Variants in LZTFL1 observed in about 807,000 individuals in gnomAD.
LZTFL1 encodes leucine zipper transcription factor-like protein 1.
In LZTFL1, 25 loss-of-function variants were observed where a neutral mutation model predicts 45.9. The ratio of observed to expected loss-of-function variants is 0.54; its 90% CI spans 0.40 to 0.76. The LOEUF (loss-of-function observed/expected upper bound fraction) is 0.76. Among genes scored for constraint, LZTFL1 ranks in the 30% least tolerant of loss-of-function variants. The pLI is 0.00. For missense variants in LZTFL1, 277 were observed against 331.1 expected (o/e 0.84, Z 1.27); for synonymous variants, 93 against 117.4 (o/e 0.79, Z 1.35).
At chr3:45,913,090 T>G in intron 2 of LZTFL1, 1 of 1,533,958 alleles carries the variant, frequency 6.5e-7, no homozygotes, top group Non-Finnish European at 8.7e-7. Context: ...GCAGTAGCAG[T>G]AATATGTTCT....
rs776162706 is a variant in LZTFL1 at position 45,901,076 on chromosome 3, C to T, written c.-215+12044G>A. 1.9e-6 allele frequency: 3 copies of T among 1,614,202 alleles called. No homozygotes were observed. Among genetic ancestry groups the T allele is most frequent in the Non-Finnish European group, 2.5e-6 (3 of 1,180,034 alleles). On this transcript the variant is annotated intron_variant, in intron 2 of 4. Coordinates refer to the LZTFL1 transcript ENST00000472635. This position sits in a 1 kb window ranked among gnomAD's most constrained non-coding sequence, Gnocchi z 4.3. Reference sequence around the variant, plus strand: ...TGAATTTGGCAATTGCTGACCTCCTCTTTCTTGTCACTCTTCCCTTCTGGG... The same window carrying T: ...TGAATTTGGCAATTGCTGACCTCCTTTTTCTTGTCACTCTTCCCTTCTGGG...
Position 45,826,066 on chromosome 3 carries a change from T to A in LZTFL1, c.*248A>T. The A allele has an allele frequency of 2.4e-6, 1 of 411,280 alleles. No homozygotes were observed. Among genetic ancestry groups the A allele is most frequent in the South Asian group, 7.9e-5 (1 of 12,698 alleles). The allele number at this position is 411,280 out of a possible 1,614,324, so 25.5% of individuals were successfully genotyped here. A position where few individuals can be genotyped will look rare whatever the true frequency, so the allele number is the denominator to read the frequency against. On this transcript the variant is annotated 3_prime_UTR_variant, in exon 10 of 10. Transcript: ENST00000296135. ...AAAATCTCTTCTTTGCTGTAAAGAATTCTCAGTGCATGTGAGCTAAGACTC... is the reference window on the plus strand; with the variant it reads ...AAAATCTCTTCTTTGCTGTAAAGAAATCTCAGTGCATGTGAGCTAAGACTC...
At chr3:45,881,652 T>A (rs189094572) in intron 2 of LZTFL1, among the ~76,000 whole-genome samples, 133 of 152,310 alleles carry the variant, frequency 8.7e-4, no homozygotes, top group African/African-American at 2.9e-3. Context: ...ACACGAAGAA[T>A]GTGTAAAAAT....
intron 2 of LZTFL1, among the ~76,000 whole-genome samples, chr3:45,859,663 G>A (rs922936696): frequency 7.1e-6 from 1 of 140,284 alleles, no homozygotes; most frequent in African/African-American, 2.7e-5. Flanking sequence ...TTTTGGCAGA[G>A]TCTCACTCTG....
At chr3:45,845,906 T>G (rs1701210574), upstream of LZTFL1, among the ~76,000 whole-genome samples, 1 of 152,210 alleles carries the variant, frequency 6.6e-6, no homozygotes. Context: ...AAAAATAAAG[T>G]GAACTCAAAC....
At chr3:45,852,832 T>C (rs1360048061) in intron 4 of LZTFL1, among the ~76,000 whole-genome samples, 1 of 152,218 alleles carries the variant, frequency 6.6e-6, no homozygotes, top group African/African-American at 2.4e-5. Flanking sequence ...TTGTTTTATG[T>C]GCTCACCCCA....
chr3:45,828,346 T>C (rs1700722103), intron 8 of LZTFL1, 93 bp downstream of exon 8: 2 of 1,080,486 alleles, frequency 1.9e-6, no homozygotes, highest in South Asian at 1.9e-5. Flanking sequence ...AATTTGCAGT[T>C]GTCCAACGTT....
At chr3:45,894,000 T>C (rs563529868) in intron 2 of LZTFL1, among the ~76,000 whole-genome samples, 1 of 152,128 alleles carries the variant, frequency 6.6e-6, no homozygotes, top group African/African-American at 2.4e-5. Context: ...AAAGAGGCTA[T>C]TTTTTTCGAG....
chr3:45,889,232 A>C (rs1302193329), intron 2 of LZTFL1, among the ~76,000 whole-genome samples: 1 of 151,864 alleles, frequency 6.6e-6, no homozygotes, highest in Admixed American at 6.6e-5. Context: ...TGATGCTCCC[A>C]CCTCAGCCTC....
chr3:45,883,560 T>C (rs1208872047), intron 2 of LZTFL1: 1 of 270,820 alleles, frequency 3.7e-6, no homozygotes, highest in Admixed American at 5.3e-5. Context: ...TTCTTCCTTA[T>C]TGTGAGTTGA....
At position 45,899,955 on chromosome 3, in the gene LZTFL1, G is replaced by A. The variant is rs1416405864; in HGVS notation, c.-215+13165C>T. On this transcript the variant is annotated intron_variant, in intron 2 of 4. Coordinates refer to the LZTFL1 transcript ENST00000472635. The stretch of plus-strand genomic sequence containing the variant: ...TGCGCATATATGTGTGTATATATGT[G>A]TGCATGCATGAGTGTGTACCTATGT... 2.0e-5 allele frequency among the ~76,000 whole-genome samples: 3 copies of A among 152,190 alleles called. No individual in the cohort carries two copies. In the East Asian group the frequency reaches 5.8e-4, roughly 29 times the overall value.
chr3:45,847,441 C>A (rs561976385), intron 4 of LZTFL1, among the ~76,000 whole-genome samples: 4 of 152,284 alleles, frequency 2.6e-5, no homozygotes, highest in Non-Finnish European at 2.9e-5. Flanking sequence ...GTCCTTATGA[C>A]CCCCGATCTA....
chr3:45,865,352 A>C (rs1344477859), intron 2 of LZTFL1, among the ~76,000 whole-genome samples: 1 of 152,266 alleles, frequency 6.6e-6, no homozygotes, highest in Non-Finnish European at 1.5e-5. Flanking sequence ...GTTTACATGC[A>C]CTGATGAGGA....
chr3:45,841,683 A>C (rs531736924), intron 1 of LZTFL1: 59 of 527,148 alleles, frequency 1.1e-4, no homozygotes, highest in Admixed American at 1.9e-4. Context: ...AGTTTCCTCT[A>C]TCTCTCCTCA....
At chr3:45,856,811 C>T (rs1272757888) in intron 3 of LZTFL1, among the ~76,000 whole-genome samples, 4 of 152,084 alleles carry the variant, frequency 2.6e-5, no homozygotes, top group African/African-American at 9.7e-5. Flanking sequence ...CAAATCAAAA[C>T]CACAATGAGA....
chr3:45,893,357 G>A (rs889789065), intron 2 of LZTFL1, among the ~76,000 whole-genome samples: 6 of 152,076 alleles, frequency 3.9e-5, no homozygotes, highest in African/African-American at 9.7e-5. Flanking sequence ...GTTTCACCAT[G>A]TTGGCCAGAC....
Position 45,829,566 on chromosome 3 carries a change from C to T in LZTFL1, c.601-951G>A, listed in dbSNP as rs147015585. On this transcript the variant is annotated intron_variant, in intron 7 of 9. Transcript: ENST00000296135. ...TTGTAGTGAGCCATGGTTGCACCACCGCACTCCAGCATGGGAAACAGAATA... is the reference window on the plus strand; with the variant it reads ...TTGTAGTGAGCCATGGTTGCACCACTGCACTCCAGCATGGGAAACAGAATA... Among the ~76,000 whole-genome samples the T allele has an allele frequency of 2.9e-3, 422 of 145,382 alleles. 1 individual carries two copies. The highest frequency in any genetic ancestry group is 0.01 in the African/African-American group (389 of 38,662).
intron 2 of LZTFL1, among the ~76,000 whole-genome samples, chr3:45,866,770 A>G (rs1010933085): frequency 1.3e-4 from 20 of 152,232 alleles, no homozygotes; most frequent in African/African-American, 4.8e-4. Flanking sequence ...GAAGACTTGT[A>G]TTCACCATAG....
rs771270016 is a variant in LZTFL1 at position 45,900,833 on chromosome 3, T to A, written c.-215+12287A>T. On this transcript the variant is annotated intron_variant, in intron 2 of 4. Transcript: ENST00000472635. This position sits in a 1 kb window ranked among gnomAD's most constrained non-coding sequence, Gnocchi z 4.7. The stretch of plus-strand genomic sequence containing the variant: ...AGAGCCCTATTCCTAACATGGCTGA[T>A]GACTATGGCTCTGAATCCACATCTT... The A allele has an allele frequency of 6.2e-7, 1 of 1,612,940 alleles. No homozygotes were observed. Among genetic ancestry groups the A allele is most frequent in the South Asian group, 1.1e-5 (1 of 91,028 alleles).
Sources: gnomAD v4.1 joint callset for allele counts (sites outside exome capture counted in the v4.1 genomes callset) on GRCh38, gnomAD v4.1.1 for gene constraint, Gnocchi (gnomAD v3.1) non-coding constraint, MANE v1.5 for transcripts, NCBI Gene and HGNC (gene_info 2026-07-23, HGNC 2026-07-21) for gene names.